Variants in MYO10 observed in about 807,000 individuals in gnomAD.
MYO10 encodes myosin X.
Under a neutral mutation model 257.3 loss-of-function variants are expected in MYO10, and 133 were observed. The observed-to-expected ratio is 0.52, with a 90% CI of 0.45 to 0.60. MYO10 has a LOEUF of 0.60. Among genes scored for constraint, MYO10 ranks in the 20% least tolerant of loss-of-function variants. MYO10 has a pLI of 0.00. For missense variants in MYO10, 2,399 were observed against 2,635.7 expected (o/e 0.91, Z 1.97); for synonymous variants, 1,104 against 1,028.6 (o/e 1.07, Z -1.40).
At chr5:16,926,265 T>C (rs567093413) in intron 1 of MYO10, among the ~76,000 whole-genome samples, 3 of 152,360 alleles carry the variant, frequency 2.0e-5, no homozygotes, top group African/African-American at 7.2e-5. Flanking sequence ...AAATACTTTG[T>C]AGTACTTCTT....
chr5:16,772,780 C>T (rs1403270051), intron 9 of MYO10, among the ~76,000 whole-genome samples: 4 of 152,174 alleles, frequency 2.6e-5, no homozygotes, highest in Non-Finnish European at 4.4e-5. Flanking sequence ...AATAGTGATA[C>T]GTGCCACATG....
intron 1 of MYO10, among the ~76,000 whole-genome samples, chr5:16,890,941 G>C (rs1745031011): frequency 6.6e-6 from 1 of 151,748 alleles, no homozygotes; most frequent in African/African-American, 2.4e-5. Flanking sequence ...AGTCACAAAG[G>C]ACCACATGTT....
chr5:16,835,505 T>G lies in MYO10; in HGVS notation c.121-17338A>C, dbSNP rs533932603. ...TCATTTTTGGCTGTTTTTTTTTTTT[T>G]TTTTTTTTTTGGTGAGATATGTACA... On this transcript the variant is annotated intron_variant, in intron 2 of 40. Transcript: ENST00000513610. Among the ~76,000 whole-genome samples, 60 of 146,876 alleles carry G rather than the reference T, an allele frequency of 4.1e-4. 1 individual carries two copies. The highest frequency in any genetic ancestry group is 1.4e-3 in the African/African-American group (57 of 40,076).
chr5:16,699,696 AGAATCACTC>A lies in MYO10; in HGVS notation c.3433-132_3433-124del. ...CAGCTACTCAAGAGGCTGAGGCAGC[AGAATCACTC>A]GAACCCAGGAGGCAGTGACTGCACT... On this transcript the variant is annotated intron_variant, in intron 25 of 40. Coordinates refer to ENST00000513610, the MANE Select transcript of MYO10 (RefSeq NM_012334.3). The A allele has an allele frequency of 2.3e-6, 3 of 1,316,062 alleles. 1 individual carries two copies. The East Asian group carries it at 7.8e-5, about 34-fold the overall frequency. The allele number at this position is 1,316,062 out of a possible 1,614,324, so 81.5% of individuals were successfully genotyped here.
intron 2 of MYO10, among the ~76,000 whole-genome samples, chr5:16,852,673 A>G (rs1233409584): frequency 6.6e-6 from 1 of 151,836 alleles, no homozygotes; most frequent in Non-Finnish European, 1.5e-5. Flanking sequence ...TGATCCATAC[A>G]TGAGAAGCCC....
chr5:16,680,092 A>G lies in MYO10; in HGVS notation c.4397T>C (p.Val1466Ala). Residue 1466 changes from valine to alanine, a missense_variant, in exon 33 of 41, where the codon GTC (valine) becomes GCC (alanine). This residue lies in a region of MYO10 where 1,820 missense variants were observed against 1,939.4 expected (regional missense o/e 0.94). Coordinates refer to ENST00000513610, the MANE Select transcript of MYO10 (RefSeq NM_012334.3). ...KIFKETGYWN[V>A]TVYGRKHCYR... ...ACAGTGCTTGCGCCCGTACACGGTG[A>G]CGTTCCAGTAGCCTGCAATGGCAGG... The G allele has an allele frequency of 6.2e-7, 1 of 1,611,844 alleles. No homozygotes were observed. Among genetic ancestry groups the G allele is most frequent in the Non-Finnish European group, 8.5e-7 (1 of 1,178,318 alleles).
At chr5:16,911,681 G>A (rs192828540) in intron 1 of MYO10, among the ~76,000 whole-genome samples, 4 of 152,058 alleles carry the variant, frequency 2.6e-5, no homozygotes, top group East Asian at 3.9e-4. Context: ...GCAGTATGCC[G>A]AGATCGCACC....
chr5:16,908,808 T>G (rs1745582301), intron 1 of MYO10, among the ~76,000 whole-genome samples: 2 of 152,248 alleles, frequency 1.3e-5, no homozygotes, highest in African/African-American at 2.4e-5. Flanking sequence ...AATGTACTGA[T>G]GCATGCTACA....
At chr5:16,905,860 G>A (rs1393688700) in intron 1 of MYO10, among the ~76,000 whole-genome samples, 1 of 152,142 alleles carries the variant, frequency 6.6e-6, no homozygotes, top group Admixed American at 6.6e-5. Flanking sequence ...TAAGGAGTTA[G>A]AGCAGCTTGT....
chr5:16,912,427 T>G (rs894174787), intron 1 of MYO10, among the ~76,000 whole-genome samples: 1 of 152,186 alleles, frequency 6.6e-6, no homozygotes, highest in Non-Finnish European at 1.5e-5. Flanking sequence ...GCACGCACTT[T>G]CCTTACCTGA....
At chr5:16,875,333 A>G (rs933595251) in intron 2 of MYO10, among the ~76,000 whole-genome samples, 61 of 152,344 alleles carry the variant, frequency 4.0e-4, no homozygotes, top group African/African-American at 1.4e-3. Flanking sequence ...GAGACAGAAG[A>G]CAGGCGGAGT....
intron 19 of MYO10, among the ~76,000 whole-genome samples, chr5:16,754,415 G>C (rs781757649): frequency 6.6e-6 from 1 of 151,434 alleles, no homozygotes; most frequent in Admixed American, 6.6e-5. Context: ...CCTCTTCATC[G>C]TGTTTAAAAT....
chr5:16,780,705 T>C, intron 7 of MYO10, 23 bp downstream of exon 7: 1 of 1,564,772 alleles, frequency 6.4e-7, no homozygotes, highest in South Asian at 1.2e-5. Flanking sequence ...GAAGAAAATG[T>C]GGATTAAATC....
intron 19 of MYO10, among the ~76,000 whole-genome samples, chr5:16,712,963 T>TAGC (rs1231513512): frequency 1.3e-5 from 2 of 152,062 alleles, no homozygotes; most frequent in Admixed American, 6.5e-5. Context: ...GGTTGGGGGG[T>TAGC]GGCTGACTGT....
intron 12 of MYO10, 140 bp downstream of exon 12, chr5:16,764,110 G>T: frequency 1.0e-6 from 1 of 952,554 alleles, no homozygotes; most frequent in Non-Finnish European, 1.6e-6. Flanking sequence ...TCACGCCACT[G>T]CACTCCAGCC....
chr5:16,704,829 T>C (rs1004662402), intron 21 of MYO10, 144 bp from the exon 22 acceptor site: 3 of 634,614 alleles, frequency 4.7e-6, no homozygotes, highest in Non-Finnish European at 5.5e-6. Flanking sequence ...AGAATAGTGC[T>C]TTTTAAAGGT....
At chr5:16,783,878 G>T (rs768126475) in intron 4 of MYO10, among the ~76,000 whole-genome samples, 8 of 152,160 alleles carry the variant, frequency 5.3e-5, no homozygotes, top group Non-Finnish European at 1.0e-4. Context: ...CTTAAAGCAG[G>T]TACACATGAA....
chr5:16,776,194 G>A (rs897645450), intron 9 of MYO10, among the ~76,000 whole-genome samples: 15 of 152,008 alleles, frequency 9.9e-5, no homozygotes, highest in Admixed American at 2.6e-4. Context: ...ACTGTACCCC[G>A]CCTATCCCCC....
chr5:16,892,335 C>T (rs1215258613), intron 1 of MYO10, among the ~76,000 whole-genome samples: 1 of 152,160 alleles, frequency 6.6e-6, no homozygotes, highest in African/African-American at 2.4e-5. Context: ...AGACGGCTAA[C>T]CAAAATGCTT....
Sources: allele counts gnomAD v4.1 joint callset (sites outside exome capture counted in the v4.1 genomes callset), GRCh38; gene constraint gnomAD v4.1.1; regional missense constraint gnomAD v4.1.1; transcripts MANE v1.5; gene names NCBI Gene and HGNC (gene_info 2026-07-23, HGNC 2026-07-21).